Variants in DKK2 observed in about 807,000 individuals in gnomAD.
The protein encoded by DKK2 is dickkopf-related protein 2.
In DKK2, 11 loss-of-function variants were observed where a neutral mutation model predicts 28.1. That is an observed-to-expected ratio of 0.39 (90% CI 0.25 to 0.65). DKK2 has a LOEUF of 0.65. Among genes scored for constraint, DKK2 ranks in the 30% least tolerant of loss-of-function variants. The pLI, the probability that DKK2 is intolerant of heterozygous loss-of-function variation, is 0.47. For missense variants in DKK2, 326 were observed against 335.5 expected, an observed-to-expected ratio of 0.97 and a Z score of 0.22; for synonymous variants, 135 against 126.5, an observed-to-expected ratio of 1.07 and a Z score of -0.45.
chr4:106,927,253 C>A (rs1208456449), intron 1 of DKK2, among the ~76,000 whole-genome samples: 1 of 151,784 alleles, frequency 6.6e-6, no homozygotes, highest in Non-Finnish European at 1.5e-5. Context: ...CCTTTTATTT[C>A]TTTTACTCTT....
intron 1 of DKK2, among the ~76,000 whole-genome samples, chr4:106,977,810 A>T (rs184046033): frequency 7.9e-5 from 12 of 152,288 alleles, no homozygotes; most frequent in Non-Finnish European, 1.2e-4. Flanking sequence ...TTGGAGGAGA[A>T]GAGGCGCTCT....
chr4:106,924,350 A>G (rs1033832273), intron 3 of DKK2, 146 bp from the exon 4 acceptor site: 7 of 1,292,694 alleles, frequency 5.4e-6, no homozygotes, highest in East Asian at 2.5e-5. Flanking sequence ...GTTGATACCA[A>G]TTGGCTCTGC....
At chr4:106,979,145 C>A (rs542609138) in intron 1 of DKK2, among the ~76,000 whole-genome samples, 1 of 151,820 alleles carries the variant, frequency 6.6e-6, no homozygotes, top group African/African-American at 2.4e-5. Flanking sequence ...ACAGGAAATT[C>A]AGAGGAGATG....
intron 1 of DKK2, among the ~76,000 whole-genome samples, chr4:107,011,461 T>G (rs1723515584): frequency 6.6e-6 from 1 of 151,662 alleles, no homozygotes; most frequent in Non-Finnish European, 1.5e-5. Context: ...ATATCTTGTT[T>G]GTCAGTCATT....
At chr4:106,944,845 A>T (rs1006444565) in intron 1 of DKK2, among the ~76,000 whole-genome samples, 2 of 152,124 alleles carry the variant, frequency 1.3e-5, no homozygotes, top group Non-Finnish European at 2.9e-5. Flanking sequence ...GAGGAAAGAC[A>T]CTGAAACACC....
Position 106,924,275 on chromosome 4 carries a change from A to G in DKK2, c.530-71T>C. 1.9e-6 allele frequency: 3 copies of G among 1,553,072 alleles called. No homozygotes were observed. In the South Asian group the frequency reaches 3.7e-5, roughly 19 times the overall value. ...AAAAAAATTCTATTTTGCAATCAGA[A>G]GCACATAAAATATTTTTACTTATAC... On this transcript the variant is annotated intron_variant, in intron 3 of 3. Transcript: ENST00000285311.
At chr4:106,978,803 G>A (rs79275475) in intron 1 of DKK2, among the ~76,000 whole-genome samples, 29,247 of 150,002 alleles carry the variant, frequency 0.19, 3,197 homozygotes, top group East Asian at 0.42. Flanking sequence ...AAAAGAAAAA[G>A]AAAACAAACA....
intron 1 of DKK2, among the ~76,000 whole-genome samples, chr4:106,986,144 C>T (rs1162393353): frequency 1.3e-5 from 2 of 152,144 alleles, no homozygotes; most frequent in African/African-American, 4.8e-5. Flanking sequence ...CCTTCAACTT[C>T]TATTTATTTC....
At position 106,928,413 on chromosome 4, in the gene DKK2, G is replaced by T. The variant is rs554823130; in HGVS notation, c.223-2464C>A. 7.2e-5 allele frequency among the ~76,000 whole-genome samples: 11 copies of T among 152,192 alleles called. No homozygotes were observed. In the East Asian group the frequency reaches 1.2e-3, roughly 16 times the overall value. On this transcript the variant is annotated intron_variant, in intron 1 of 3. Coordinates refer to ENST00000285311, the MANE Select transcript of DKK2 (RefSeq NM_014421.3). The stretch of plus-strand genomic sequence containing the variant: ...TATGTATATTGGGAACTTGTACTTG[G>T]AATGGAATTTCAGAACATAAATACT...
chr4:106,969,276 CTCTCTCATCTCTCA>C (rs1018535733), intron 1 of DKK2, among the ~76,000 whole-genome samples: 10 of 151,320 alleles, frequency 6.6e-5, no homozygotes, highest in African/African-American at 2.4e-4. Context: ...CTCCCTTTTC[CTCTCTCATCTCTCA>C]TCTCTCATCT....
chr4:107,019,345 T>C (rs1013871037), intron 1 of DKK2, among the ~76,000 whole-genome samples: 4 of 151,998 alleles, frequency 2.6e-5, no homozygotes, highest in South Asian at 2.1e-4. Flanking sequence ...ATACCAAAGA[T>C]TGAGCTTGCC....
chr4:106,970,660 G>T (rs572908750), intron 1 of DKK2, among the ~76,000 whole-genome samples: 1 of 152,090 alleles, frequency 6.6e-6, no homozygotes, highest in Admixed American at 6.6e-5. Context: ...CTGTGATCTT[G>T]TTTGTGGACT....
Position 106,924,178 on chromosome 4 carries a change from AT to A in DKK2, c.555del (p.Ser186HisfsTer78). ...IKGHEGDPCL[R>X]SSDCIEGFCC... ...CAAAACCCTTCAATGCAGTCTGATG[AT>A]CGTAGGCAGGGGTCTCCTTCATGCC... On this transcript the variant is annotated frameshift_variant, in exon 4 of 4. Transcript: ENST00000285311. LOFTEE classifies it high-confidence loss of function. The A allele has an allele frequency of 6.2e-7, 1 of 1,613,928 alleles. No individual in the cohort carries two copies. The highest frequency in any genetic ancestry group is 8.5e-7 in the Non-Finnish European group (1 of 1,179,910).
At chr4:106,946,804 T>C (rs1236993287) in intron 1 of DKK2, among the ~76,000 whole-genome samples, 1 of 151,914 alleles carries the variant, frequency 6.6e-6, no homozygotes, top group Non-Finnish European at 1.5e-5. Flanking sequence ...AAATCCACCG[T>C]GCAAAGGTAG....
intron 1 of DKK2, among the ~76,000 whole-genome samples, chr4:106,943,424 A>G (rs972530371): frequency 2.0e-5 from 3 of 152,152 alleles, no homozygotes; most frequent in Non-Finnish European, 4.4e-5. Context: ...CATTAAATTG[A>G]CAAAAATACT....
chr4:107,000,861 C>G (rs1304445424), intron 1 of DKK2, among the ~76,000 whole-genome samples: 1 of 152,024 alleles, frequency 6.6e-6, no homozygotes, highest in Non-Finnish European at 1.5e-5. Context: ...GTTTAGGTCC[C>G]TACCCTCAGA....
At chr4:107,027,228 C>A (rs1009094552) in intron 1 of DKK2, among the ~76,000 whole-genome samples, 4 of 151,932 alleles carry the variant, frequency 2.6e-5, no homozygotes, top group Non-Finnish European at 4.4e-5. Flanking sequence ...ACGTGAAAAC[C>A]ATTATTTGAA....
At chr4:106,930,834 T>C (rs950505095) in intron 1 of DKK2, among the ~76,000 whole-genome samples, 14 of 152,068 alleles carry the variant, frequency 9.2e-5, no homozygotes, top group Admixed American at 9.2e-4. Context: ...AGCAAAGAAC[T>C]GGGGATGAGA....
At chr4:106,948,925 A>T (rs1330160478) in intron 1 of DKK2, among the ~76,000 whole-genome samples, 1 of 152,172 alleles carries the variant, frequency 6.6e-6, no homozygotes, top group Non-Finnish European at 1.5e-5. Flanking sequence ...GTCTAAATGC[A>T]TTAAAAAGCC....
Sources: gnomAD v4.1 joint callset for allele counts (sites outside exome capture counted in the v4.1 genomes callset) on GRCh38, gnomAD v4.1.1 for gene constraint, MANE v1.5 for transcripts, NCBI Gene and HGNC (gene_info 2026-07-23, HGNC 2026-07-21) for gene names.